LSM3: variants seen among roughly 807,000 people sequenced by gnomAD.
LSM3 encodes the protein U6 snRNA-associated Sm-like protein LSm3.
LSM3 carries 14 observed loss-of-function variants against 15.4 expected under a neutral mutation model. The ratio of observed to expected loss-of-function variants is 0.91; its 90% confidence interval spans 0.60 to 1.42. The LOEUF (loss-of-function observed/expected upper bound fraction) is 1.42, where lower values mean the gene tolerates loss of function less well. Among genes scored for constraint, LSM3 ranks in the 40% most tolerant of loss-of-function variants. The pLI, the probability that LSM3 is intolerant of heterozygous loss-of-function variation, is 0.00. For synonymous variants in LSM3, 46 were observed against 45.1 expected, an observed-to-expected ratio of 1.02 and a Z score of -0.08; for missense variants, 88 against 127.9, an observed-to-expected ratio of 0.69 and a Z score of 1.50.
At chr3:14,183,692 T>C (rs554974104) in intron 2 of LSM3, among the ~76,000 whole-genome samples, 1 of 152,348 alleles carries the variant, frequency 6.6e-6, no homozygotes, top group African/African-American at 2.4e-5. Flanking sequence ...TGATTTGAAG[T>C]AAATTTATTT....
At chr3:14,187,459 T>A (rs1323421141) in intron 3 of LSM3, among the ~76,000 whole-genome samples, 1 of 152,228 alleles carries the variant, frequency 6.6e-6, no homozygotes, top group Admixed American at 6.5e-5. Flanking sequence ...TTTGGATGAC[T>A]GAGAATACTT....
At position 14,179,020 on chromosome 3, in the gene LSM3, C is replaced by A; in HGVS notation, c.21+139C>A. 4.4e-6 allele frequency: 4 copies of A among 918,464 alleles called. No individual in the cohort carries two copies. The South Asian group carries it at 4.5e-5, about 10-fold the overall frequency. The allele number at this position is 918,464 out of a possible 1,614,324, so 56.9% of individuals were successfully genotyped here. A position where few individuals can be genotyped will look rare whatever the true frequency, so the allele number is the denominator to read the frequency against. The stretch of plus-strand genomic sequence containing the variant: ...TCCACCCTGTCCTTTCCGTAACCCC[C>A]CCTCCGAATTTTGCCGTAGGCCCTG... On this transcript the variant is annotated intron_variant, in intron 1 of 3. Transcript: ENST00000306024.
At chr3:14,186,281 A>C (rs140250382) in intron 3 of LSM3, among the ~76,000 whole-genome samples, 1 of 152,394 alleles carries the variant, frequency 6.6e-6, no homozygotes, top group Non-Finnish European at 1.5e-5. Context: ...ACAAGACTAC[A>C]TGGATTCAAA....
At chr3:14,191,580 A>T (rs1331352119) in intron 3 of LSM3, among the ~76,000 whole-genome samples, 1 of 152,096 alleles carries the variant, frequency 6.6e-6, no homozygotes, top group Non-Finnish European at 1.5e-5. Flanking sequence ...AGAGATGTTT[A>T]TATTATTCTC....
At chr3:14,186,220 GAC>G (rs1428425925) in intron 3 of LSM3, among the ~76,000 whole-genome samples, 4 of 152,252 alleles carry the variant, frequency 2.6e-5, no homozygotes, top group African/African-American at 7.2e-5. Flanking sequence ...GATTTGGAAA[GAC>G]AGTTTCTGAC....
At chr3:14,195,471 T>C (rs1472776044) in intron 3 of LSM3, among the ~76,000 whole-genome samples, 1 of 152,118 alleles carries the variant, frequency 6.6e-6, no homozygotes, top group Non-Finnish European at 1.5e-5. Context: ...AAAAATTATT[T>C]ATGGAAAAAT....
chr3:14,190,538 T>G (rs1697129817), intron 3 of LSM3, among the ~76,000 whole-genome samples: 1 of 152,144 alleles, frequency 6.6e-6, no homozygotes, highest in African/African-American at 2.4e-5. Context: ...TCCTAGGTAT[T>G]TTATTCTCTT....
chr3:14,183,868 A>G, intron 2 of LSM3, 69 bp from the exon 3 acceptor site: 2 of 1,198,746 alleles, frequency 1.7e-6, no homozygotes, highest in Non-Finnish European at 2.3e-6. Flanking sequence ...CAATTTGCAT[A>G]TTGTTAAGCC....
chr3:14,188,818 T>A (rs1031376345), intron 3 of LSM3, among the ~76,000 whole-genome samples: 72 of 152,330 alleles, frequency 4.7e-4, no homozygotes, highest in African/African-American at 9.9e-4. Context: ...TCTTTTTTTT[T>A]AATTATACTT....
chr3:14,185,538 G>A (rs988676932), intron 3 of LSM3, among the ~76,000 whole-genome samples: 5 of 152,096 alleles, frequency 3.3e-5, no homozygotes, highest in East Asian at 3.8e-4. Context: ...TTTTTTCTGC[G>A]TTAAATCTAT....
intron 1 of LSM3, among the ~76,000 whole-genome samples, chr3:14,179,843 G>A (rs1378931543): frequency 6.6e-6 from 1 of 152,214 alleles, no homozygotes; most frequent in African/African-American, 2.4e-5. Context: ...CCAGACAGAG[G>A]CTTAGGTAGC....
intron 3 of LSM3, among the ~76,000 whole-genome samples, chr3:14,189,483 A>G (rs969350612): frequency 2.0e-5 from 3 of 152,096 alleles, no homozygotes; most frequent in African/African-American, 7.2e-5. Flanking sequence ...TGGCTTTTTA[A>G]TGATCGCCAT....
chr3:14,194,613 T>C (rs537758998), intron 3 of LSM3, among the ~76,000 whole-genome samples: 3 of 152,126 alleles, frequency 2.0e-5, no homozygotes, highest in African/African-American at 7.2e-5. Context: ...GTTGACTCAA[T>C]AATTTTTAAA....
At chr3:14,190,279 C>G (rs943327025) in intron 3 of LSM3, among the ~76,000 whole-genome samples, 2 of 152,140 alleles carry the variant, frequency 1.3e-5, no homozygotes, top group African/African-American at 4.8e-5. Flanking sequence ...GCTATGCAGG[C>G]TCTTTTTGGT....
chr3:14,182,171 G>A (rs1697045643), intron 2 of LSM3, among the ~76,000 whole-genome samples: 1 of 152,070 alleles, frequency 6.6e-6, no homozygotes, highest in South Asian at 2.1e-4. Context: ...GCCAGCCTGG[G>A]CAACATAGAG....
intron 3 of LSM3, among the ~76,000 whole-genome samples, chr3:14,192,879 A>G (rs1189492285): frequency 5.3e-5 from 8 of 152,112 alleles, no homozygotes; most frequent in Admixed American, 5.2e-4. Context: ...TGTCAATGTT[A>G]TTTACAATGT....
intron 3 of LSM3, among the ~76,000 whole-genome samples, chr3:14,187,541 TG>T (rs957683016): frequency 5.3e-5 from 8 of 152,236 alleles, no homozygotes; most frequent in Admixed American, 5.2e-4. Flanking sequence ...TGTCTGCATC[TG>T]GTTCAGTGCC....
intron 3 of LSM3, among the ~76,000 whole-genome samples, chr3:14,194,140 C>G (rs966549853): frequency 2.6e-5 from 4 of 152,214 alleles, no homozygotes; most frequent in African/African-American, 9.6e-5. Flanking sequence ...AATCTTCAAC[C>G]CAGAGGGGCA....
At chr3:14,181,433 A>G (rs902468497) in intron 1 of LSM3, 127 bp from the exon 2 acceptor site, 1 of 674,092 alleles carries the variant, frequency 1.5e-6, no homozygotes, top group Non-Finnish European at 2.7e-6. Context: ...TATTATCTCC[A>G]TTTTACAGAT....
Sources: allele counts gnomAD v4.1 joint callset (sites outside exome capture counted in the v4.1 genomes callset), GRCh38; gene constraint gnomAD v4.1.1; transcripts MANE v1.5; gene names NCBI Gene and HGNC (gene_info 2026-07-23, HGNC 2026-07-21).